Variants in RBM11 observed in about 807,000 individuals in gnomAD.
The protein encoded by RBM11 is splicing regulator RBM11.
In RBM11, 18 loss-of-function variants were observed where a neutral mutation model predicts 21.4. That is an observed-to-expected ratio of 0.84 (90% CI 0.58 to 1.25). RBM11 has a LOEUF of 1.25. RBM11 is among the 50% of genes most tolerant of loss of function. RBM11 has a pLI of 0.00. For missense variants in RBM11, 294 were observed against 331.9 expected (o/e 0.89, Z 0.89); for synonymous variants, 120 against 116.3 (o/e 1.03, Z -0.20).
Position 14,219,735 on chromosome 21 carries a change from G to A in RBM11, c.259+10G>A, listed in dbSNP as rs1170316525. ...GTGCAGTATCGATTTGGTAGGTCCTGTCACTGATTAATCTTCAAAGTGTTT... is the reference window on the plus strand; with the variant it reads ...GTGCAGTATCGATTTGGTAGGTCCTATCACTGATTAATCTTCAAAGTGTTT... On this transcript the variant is annotated intron_variant, in intron 2 of 4. Transcript: ENST00000400577. 3 of 1,554,114 alleles carry A rather than the reference G, an allele frequency of 1.9e-6. No homozygotes were observed. Among genetic ancestry groups the A allele is most frequent in the African/African-American group, 1.4e-5 (1 of 73,710 alleles).
intron 1 of RBM11, 25 bp from the exon 2 acceptor site, chr21:14,219,538 A>G (rs766338334): frequency 1.4e-6 from 2 of 1,434,508 alleles, no homozygotes. Flanking sequence ...GATTTATGAG[A>G]AAATAATTTT....
Position 14,226,945 on chromosome 21 carries a change from T to C in RBM11, c.498T>C (p.Asn166=). 1 of 1,613,814 alleles carries C rather than the reference T, an allele frequency of 6.2e-7. No homozygotes were observed. Among genetic ancestry groups the C allele is most frequent in the East Asian group, 2.2e-5 (1 of 44,880 alleles). The change falls in exon 5 of 5, where the codon AAT becomes AAC. Residue 166 remains asparagine, a synonymous_variant. Transcript: ENST00000400577. ...ATGAAATGACAGCTCCACTTCCTAA[T>C]AGTGCATCCGTGTCTTCCTCACTGA... is the stretch of plus-strand genomic sequence containing the variant. ...PYYEMTAPLP[N]SASVSSSLNH... is the part of the protein sequence containing the mutation.
At chr21:14,220,259 A>C in intron 2 of RBM11, among the ~76,000 whole-genome samples, 1 of 152,140 alleles carries the variant, frequency 6.6e-6, no homozygotes, top group East Asian at 1.9e-4. Context: ...TCCTGACAAG[A>C]ATGGCCTCAA....
intron 4 of RBM11, among the ~76,000 whole-genome samples, chr21:14,224,788 A>AT (rs1245880765): frequency 2.6e-5 from 4 of 152,214 alleles, no homozygotes; most frequent in Admixed American, 6.5e-5. Context: ...TCCAAGTGAA[A>AT]TTTGAGTAGA....
At chr21:14,224,393 T>C in intron 3 of RBM11, 45 bp from the exon 4 acceptor site, 1 of 1,518,546 alleles carries the variant, frequency 6.6e-7, no homozygotes. Context: ...ACATTTGTAA[T>C]AGGAATTTTA....
intron 2 of RBM11, among the ~76,000 whole-genome samples, 191 bp from the exon 3 acceptor site, chr21:14,220,906 G>GAT (rs1171612774): frequency 2.6e-5 from 4 of 151,960 alleles, no homozygotes; most frequent in African/African-American, 7.3e-5. Context: ...TTAATTCATT[G>GAT]ATATATATAT....
rs1979209997 is a variant in RBM11, at chr21:14,227,519, A to G, written c.*226A>G. The G allele has an allele frequency of 2.0e-6, 1 of 512,320 alleles. No individual in the cohort carries two copies. Among genetic ancestry groups the G allele is most frequent in the Non-Finnish European group, 3.4e-6 (1 of 296,746 alleles). The allele number at this position is 512,320 out of a possible 1,614,324, so 31.7% of individuals were successfully genotyped here. A position where few individuals can be genotyped will look rare whatever the true frequency, so the allele number is the denominator to read the frequency against. Reference sequence around the variant, plus strand: ...GTATTTGTCATGATATTTTTGACCCATTGGCAACAAATAGACTATTGTCAT... The same window carrying G: ...GTATTTGTCATGATATTTTTGACCCGTTGGCAACAAATAGACTATTGTCAT... On this transcript the variant is annotated 3_prime_UTR_variant, in exon 5 of 5. Transcript: ENST00000400577.
At chr21:14,216,570 T>C (rs1472448309) in intron 1 of RBM11, among the ~76,000 whole-genome samples, 2 of 152,082 alleles carry the variant, frequency 1.3e-5, no homozygotes, top group African/African-American at 4.8e-5. Flanking sequence ...GGGCCTCGGG[T>C]GTGCGCGGGC....
In RBM11 at chr21:14,216,283, G is replaced by A; in HGVS notation, c.96+1G>A. ...GATTCTGTACGAGCTGTTCCTTCAG[G>A]TACCGTCTCTGGGAAGGGGCGGCGG... is the stretch of plus-strand genomic sequence containing the variant. On this transcript the variant is annotated splice_donor_variant, in intron 1 of 4. Coordinates refer to ENST00000400577, the MANE Select transcript of RBM11 (RefSeq NM_144770.5). LOFTEE classifies it high-confidence loss of function. The A allele has an allele frequency of 1.2e-6, 2 of 1,612,932 alleles. No homozygotes were observed. Among genetic ancestry groups the A allele is most frequent in the Non-Finnish European group, 1.7e-6 (2 of 1,179,398 alleles).
At position 14,219,617 on chromosome 21, in the gene RBM11, T is replaced by C; in HGVS notation, c.151T>C (p.Ser51Pro). 6.3e-7 allele frequency: 1 copy of C among 1,598,026 alleles called. No homozygotes were observed. The highest frequency in any genetic ancestry group is 8.6e-7 in the Non-Finnish European group (1 of 1,169,240). ...ICKDREGKPK[S>P]FGFVCFKHPE... ...CAAAGACAGAGAAGGAAAGCCAAAG[T>C]CTTTTGGATTTGTCTGCTTTAAACA... The change falls in exon 2 of 5, where the codon TCT (serine) becomes CCT (proline). Residue 51 changes from serine to proline, a missense_variant. Around this residue, in one of 2 missense-constraint regions of RBM11, gnomAD observed 181 missense variants for 164.6 expected, o/e 1.10. Coordinates refer to ENST00000400577, the MANE Select transcript of RBM11 (RefSeq NM_144770.5).
chr21:14,216,172 G>A lies in RBM11; in HGVS notation c.-15G>A, dbSNP rs1243306768. On this transcript the variant is annotated 5_prime_UTR_variant, in exon 1 of 5. Coordinates refer to ENST00000400577, the MANE Select transcript of RBM11 (RefSeq NM_144770.5). ...GGTCTCAGCTCCTACTTCATTCTAC[G>A]GCCGAGACCGGAGGATGTTCCCTGC... The A allele has an allele frequency of 1.2e-6, 2 of 1,608,050 alleles. No individual in the cohort carries two copies. The highest frequency in any genetic ancestry group is 1.7e-5 in the Admixed American group (1 of 59,618).
At chr21:14,221,263 C>T in intron 3 of RBM11, 94 bp downstream of exon 3, 1 of 1,313,270 alleles carries the variant, frequency 7.6e-7, no homozygotes, top group Admixed American at 3.5e-5. Flanking sequence ...TAAAACCTTA[C>T]TTTTTAGGCC....
intron 3 of RBM11, chr21:14,221,489 T>C (rs1978662956): frequency 5.8e-6 from 1 of 172,686 alleles, no homozygotes; most frequent in African/African-American, 2.4e-5. Flanking sequence ...ATTTATATTT[T>C]ATATTTGAGT....
chr21:14,217,337 A>AT (rs1162919179), intron 1 of RBM11, among the ~76,000 whole-genome samples: 1 of 152,202 alleles, frequency 6.6e-6, no homozygotes, highest in African/African-American at 2.4e-5. Context: ...ATTAGTAATA[A>AT]TACTAACATC....
At chr21:14,223,057 G>A (rs1337820167) in intron 3 of RBM11, among the ~76,000 whole-genome samples, 1 of 152,106 alleles carries the variant, frequency 6.6e-6, no homozygotes, top group African/African-American at 2.4e-5. Flanking sequence ...GAAGAGAAAA[G>A]ACTAGATGGG....
At position 14,228,108 on chromosome 21, in the gene RBM11, T is replaced by C. The variant is rs1402235270; in HGVS notation, c.*815T>C. ...ATTAATGTATGATATGTAATACTTA[T>C]TGTCTAAATCAAGTTTCCTATTTTT... On this transcript the variant is annotated 3_prime_UTR_variant, in exon 5 of 5. Transcript: ENST00000400577. 4 of 152,284 alleles carry C rather than the reference T, an allele frequency of 2.6e-5. No individual in the cohort carries two copies. The highest frequency in any genetic ancestry group is 7.2e-5 in the African/African-American group (3 of 41,574). 9.4% of individuals were successfully genotyped at this position (152,284 alleles called of 1,614,324 possible). A position where few individuals can be genotyped will look rare whatever the true frequency, so the allele number is the denominator to read the frequency against.
At chr21:14,226,818 G>GT in intron 4 of RBM11, 62 bp from the exon 5 acceptor site, 1 of 1,544,364 alleles carries the variant, frequency 6.5e-7, no homozygotes, top group Non-Finnish European at 8.7e-7. Context: ...CATGTAAACT[G>GT]TTAATTTTTT....
Position 14,224,438 on chromosome 21 carries a change from G to T in RBM11, c.333G>T (p.Arg111Ser), listed in dbSNP as rs774459395. Reference sequence around the variant, plus strand: ...TACTTCTTCTTTCATCTCCTCAAAGGAATGAAGAAATGTTGGTGGGCAGAT... The same window carrying T: ...TACTTCTTCTTTCATCTCCTCAAAGTAATGAAGAAATGTTGGTGGGCAGAT... Reference protein sequence around the residue: ...SCVKINSHNYRNEEMLVGRSS... With the variant: ...SCVKINSHNYSNEEMLVGRSS... The change falls in exon 4 of 5, where the codon AGG becomes AGT. Residue 111 changes from arginine (R) to serine (S), a missense_variant and splice_region_variant. Transcript: ENST00000400577. The T allele has an allele frequency of 7.1e-5, 111 of 1,554,392 alleles. 1 individual carries two copies. The South Asian group carries it at 1.3e-3, about 18-fold the overall frequency.
intron 3 of RBM11, chr21:14,224,229 G>A (rs1157639901): frequency 6.0e-6 from 4 of 666,426 alleles, no homozygotes; most frequent in Non-Finnish European, 9.5e-6. Flanking sequence ...TCCAAATAAG[G>A]TAACATTCTG....
Sources: allele counts gnomAD v4.1 joint callset (sites outside exome capture counted in the v4.1 genomes callset), GRCh38; gene constraint gnomAD v4.1.1; regional missense constraint gnomAD v4.1.1; transcripts MANE v1.5; gene names NCBI Gene and HGNC (gene_info 2026-07-23, HGNC 2026-07-21).